Variants in ABCD2 observed in about 807,000 individuals in gnomAD.
ABCD2 encodes the protein ATP-binding cassette sub-family D member 2.
Under a neutral mutation model 70.9 loss-of-function variants are expected in ABCD2, and 36 were observed. The observed-to-expected ratio is 0.51, with a 90% CI of 0.39 to 0.67. ABCD2 has a LOEUF of 0.67. Ranked by LOEUF, ABCD2 falls within the 30% of genes least tolerant of loss-of-function variation. The pLI is 0.00. For missense variants in ABCD2, 729 were observed against 890.2 expected, an observed-to-expected ratio of 0.82 and a Z score of 2.30; for synonymous variants, 304 against 306.9, an observed-to-expected ratio of 0.99 and a Z score of 0.10.
chr12:39,563,956 CT>C (rs1473182054), intron 9 of ABCD2, among the ~76,000 whole-genome samples: 2 of 152,150 alleles, frequency 1.3e-5, no homozygotes, highest in Non-Finnish European at 2.9e-5. Context: ...AAGACATGTA[CT>C]CATCATTTTT....
At chr12:39,570,201 G>T (rs1369847649) in intron 9 of ABCD2, among the ~76,000 whole-genome samples, 1 of 152,186 alleles carries the variant, frequency 6.6e-6, no homozygotes, top group African/African-American at 2.4e-5. Flanking sequence ...CTATGGAAAT[G>T]CCAATGATAG....
At chr12:39,572,452 C>G (rs543860416) in intron 9 of ABCD2, among the ~76,000 whole-genome samples, 2 of 152,098 alleles carry the variant, frequency 1.3e-5, no homozygotes, top group African/African-American at 4.8e-5. Context: ...TATTCATTGG[C>G]ATGGATCCTA....
At chr12:39,566,911 G>A (rs1218689593) in intron 9 of ABCD2, among the ~76,000 whole-genome samples, 1 of 152,214 alleles carries the variant, frequency 6.6e-6, no homozygotes, top group African/African-American at 2.4e-5. Flanking sequence ...TCAGGAGCAG[G>A]TTGTTCAGTT....
At chr12:39,536,935 T>C in the ABCD2 span, among the ~76,000 whole-genome samples, 1 of 152,198 alleles carries the variant, frequency 6.6e-6, no homozygotes, top group African/African-American at 2.4e-5. Context: ...CACATCTTCA[T>C]TGCCAAGTAG....
chr12:39,545,401 TC>T, downstream of ABCD2, among the ~76,000 whole-genome samples: 1 of 152,130 alleles, frequency 6.6e-6, no homozygotes, highest in Non-Finnish European at 1.5e-5. Flanking sequence ...CAAGCGATTC[TC>T]CCGCCTCACA....
chr12:39,540,889 A>T, the ABCD2 span, among the ~76,000 whole-genome samples: 1 of 152,210 alleles, frequency 6.6e-6, no homozygotes, highest in Non-Finnish European at 1.5e-5. Flanking sequence ...AAATGTATAA[A>T]ACCAAGCTGC....
At chr12:39,539,192 A>C in the ABCD2 span, among the ~76,000 whole-genome samples, 3 of 151,750 alleles carry the variant, frequency 2.0e-5, no homozygotes, top group Non-Finnish European at 4.4e-5. Context: ...TGCAGACTAA[A>C]AGAAATGCTT....
chr12:39,611,519 C>A (rs570211432), intron 2 of ABCD2, among the ~76,000 whole-genome samples: 1 of 152,104 alleles, frequency 6.6e-6, no homozygotes, highest in African/African-American at 2.4e-5. Context: ...AAATTTATAA[C>A]CTGCGCCTAT....
intron 6 of ABCD2, among the ~76,000 whole-genome samples, chr12:39,599,127 TTTTG>T (rs1941861084): frequency 6.6e-6 from 1 of 152,218 alleles, no homozygotes; most frequent in South Asian, 2.1e-4. Context: ...TCCTAGTGAT[TTTTG>T]TTTGTTGCAA....
intron 9 of ABCD2, among the ~76,000 whole-genome samples, chr12:39,555,242 C>A (rs183607800): frequency 6.6e-6 from 1 of 152,254 alleles, no homozygotes; most frequent in East Asian, 1.9e-4. Context: ...TCCCCTCTCT[C>A]TATAGATTTC....
chr12:39,602,153 T>A (rs866909805), intron 5 of ABCD2, among the ~76,000 whole-genome samples: 2 of 150,114 alleles, frequency 1.3e-5, no homozygotes, highest in Middle Eastern at 3.4e-3. Context: ...ATTTATTTAT[T>A]TATTTATTTA....
rs774142151 is a variant in ABCD2, at chr12:39,552,006, T to G, written c.*1906A>C. Reference sequence around the variant, plus strand: ...GGATAATCACTTATGTAGAAAAGATTAATGAATAATTTTTAGCAAGTTTAA... The same window carrying G: ...GGATAATCACTTATGTAGAAAAGATGAATGAATAATTTTTAGCAAGTTTAA... On this transcript the variant is annotated 3_prime_UTR_variant, in exon 10 of 10. Coordinates refer to ENST00000308666, the MANE Select transcript of ABCD2 (RefSeq NM_005164.4). 6.6e-6 allele frequency: 1 copy of G among 151,794 alleles called. No individual in the cohort carries two copies. The highest frequency in any genetic ancestry group is 6.6e-5 in the Admixed American group (1 of 15,216). The allele number at this position is 151,794 out of a possible 1,614,324, so 9.4% of individuals were successfully genotyped here. A position where few individuals can be genotyped will look rare whatever the true frequency, so the allele number is the denominator to read the frequency against.
the ABCD2 span, among the ~76,000 whole-genome samples, chr12:39,534,747 GGAAAGAAAGAAAGAGAAAGAAAGAAA>G: frequency 2.4e-5 from 2 of 84,860 alleles, no homozygotes; most frequent in African/African-American, 4.7e-5. Flanking sequence ...AAGGAAGGAA[GGAAAGAAAGAAAGAGAAAGAAAGAAA>G]GAAAGAAAGA....
Position 39,552,260 on chromosome 12 carries a change from ATGT to A in ABCD2, c.*1649_*1651del, listed in dbSNP as rs1378417492. 6.6e-6 allele frequency: 1 copy of A among 151,960 alleles called. No individual in the cohort carries two copies. The highest frequency in any genetic ancestry group is 2.4e-5 in the African/African-American group (1 of 41,444). The allele number at this position is 151,960 out of a possible 1,614,324, so 9.4% of individuals were successfully genotyped here. A position where few individuals can be genotyped will look rare whatever the true frequency, so the allele number is the denominator to read the frequency against. The stretch of plus-strand genomic sequence containing the variant: ...GAATTGAAAATGTAGAAATGTTATG[ATGT>A]TCTATAACGATCATTATGAATGACT... On this transcript the variant is annotated 3_prime_UTR_variant, in exon 10 of 10. Coordinates refer to ENST00000308666, the MANE Select transcript of ABCD2 (RefSeq NM_005164.4).
In ABCD2 at chr12:39,600,724, A is replaced by G. The variant is rs376128533; in HGVS notation, c.1501-8T>C. ...ATGCATTCCTTCTTCTACCTAAAGT[A>G]AGAAATAAAATTACAAACTGCAATA... On this transcript the variant is annotated splice_region_variant and splice_polypyrimidine_tract_variant and intron_variant, in intron 5 of 9. Coordinates refer to ENST00000308666, the MANE Select transcript of ABCD2 (RefSeq NM_005164.4). The G allele has an allele frequency of 1.2e-5, 19 of 1,596,316 alleles. No homozygotes were observed. The highest frequency in any genetic ancestry group is 1.8e-5 in the Admixed American group (1 of 55,296).
chr12:39,547,001 T>C (rs1243123110), downstream of ABCD2, among the ~76,000 whole-genome samples: 2 of 152,092 alleles, frequency 1.3e-5, no homozygotes, highest in Non-Finnish European at 2.9e-5. Flanking sequence ...GAAACAAGTT[T>C]TAATTAAAAA....
chr12:39,615,283 T>A (rs868504877), intron 2 of ABCD2, among the ~76,000 whole-genome samples: 4 of 152,130 alleles, frequency 2.6e-5, no homozygotes, highest in Non-Finnish European at 5.9e-5. Context: ...GTCTCTAATA[T>A]ACATTATATA....
Position 39,607,592 on chromosome 12 carries a change from C to A in ABCD2, c.1236+7G>T, listed in dbSNP as rs772714625. ...TTAATTGAATTGACAATAAGAAATG[C>A]AAGTACCTCTTTGTATGAAGACATA... On this transcript the variant is annotated splice_region_variant and intron_variant, in intron 3 of 9. Transcript: ENST00000308666. The A allele has an allele frequency of 1.8e-5, 28 of 1,565,368 alleles. No homozygotes were observed. The highest frequency in any genetic ancestry group is 8.2e-5 in the African/African-American group (6 of 72,898).
chr12:39,610,908 A>G (rs1349997100), intron 2 of ABCD2, among the ~76,000 whole-genome samples: 1 of 152,204 alleles, frequency 6.6e-6, no homozygotes, highest in Non-Finnish European at 1.5e-5. Flanking sequence ...CAGATTCCTT[A>G]GTGCCAGAGA....
Sources: allele counts gnomAD v4.1 joint callset (sites outside exome capture counted in the v4.1 genomes callset), GRCh38; gene constraint gnomAD v4.1.1; transcripts MANE v1.5; gene names NCBI Gene and HGNC (gene_info 2026-07-23, HGNC 2026-07-21).